The following PDZD2 variants were observed in gnomAD, a reference collection of about 807,000 sequenced individuals.
PDZD2 encodes the protein PDZ domain containing 2, also known as PDZ domain-containing protein 2.
PDZD2 carries 90 observed loss-of-function variants against 220.7 expected under a neutral mutation model. That is an observed-to-expected ratio of 0.41 (90% CI 0.34 to 0.49). PDZD2 has a LOEUF of 0.49. Ranked by LOEUF, PDZD2 falls within the 20% of genes least tolerant of loss-of-function variation. The pLI is 0.28. For synonymous variants in PDZD2, 1,375 were observed against 1,450.5 expected, an observed-to-expected ratio of 0.95 and a Z score of 1.18; for missense variants, 3,174 against 3,608.5, an observed-to-expected ratio of 0.88 and a Z score of 3.08.
intron 2 of PDZD2, among the ~76,000 whole-genome samples, chr5:31,975,363 T>C (rs965315761): frequency 6.6e-6 from 1 of 152,148 alleles, no homozygotes; most frequent in African/African-American, 2.4e-5. Flanking sequence ...TTACTCACTC[T>C]CACGAGAACA....
At chr5:31,737,274 G>A (rs532811880) in intron 1 of PDZD2, among the ~76,000 whole-genome samples, 2 of 140,388 alleles carry the variant, frequency 1.4e-5, no homozygotes, top group South Asian at 2.4e-4. Flanking sequence ...TCAGGTTCAC[G>A]CCATTCTCCT....
chr5:31,920,729 A>G (rs1488857451), intron 2 of PDZD2, among the ~76,000 whole-genome samples: 1 of 152,124 alleles, frequency 6.6e-6, no homozygotes, highest in Non-Finnish European at 1.5e-5. Context: ...CATCATTATC[A>G]TACAGAGAAG....
rs746683258 is a variant in PDZD2, at chr5:32,014,939, C to CTTTT, written c.1407+4474_1407+4477dup. On this transcript the variant is annotated intron_variant, in intron 6 of 24. Coordinates refer to ENST00000438447, the MANE Select transcript of PDZD2 (RefSeq NM_178140.4). ...TGGCCAGGATAGTCTCAATCTCTCT[C>CTTTT]TTTTTTTTTTTTTTTTTTTTGAGAC... 8.2e-3 allele frequency among the ~76,000 whole-genome samples: 770 copies of CTTTT among 93,990 alleles called. 74 individuals are homozygous for CTTTT. Among genetic ancestry groups the CTTTT allele is most frequent in the Middle Eastern group, 0.023 (3 of 132 alleles). The allele number at this position is 93,990 out of a possible 152,430, so 61.7% of individuals were successfully genotyped here.
chr5:31,843,128 G>A (rs1388077290), intron 2 of PDZD2, among the ~76,000 whole-genome samples: 3 of 151,958 alleles, frequency 2.0e-5, no homozygotes, highest in Non-Finnish European at 2.9e-5. Flanking sequence ...TGATCCACCC[G>A]CCTTGGCCTC....
At chr5:32,020,216 G>A (rs7709528) in intron 6 of PDZD2, among the ~76,000 whole-genome samples, 25,752 of 152,002 alleles carry the variant, frequency 0.17, 2,255 homozygotes, top group Admixed American at 0.19. Flanking sequence ...TGTTGACCAA[G>A]CTGGTCTCAA....
chr5:31,785,415 T>A (rs1409394572), intron 1 of PDZD2, among the ~76,000 whole-genome samples: 1 of 148,022 alleles, frequency 6.8e-6, no homozygotes, highest in Non-Finnish European at 1.5e-5. Flanking sequence ...CATATATATG[T>A]CATATATATT....
chr5:31,688,175 T>C (rs1357532170), intron 1 of PDZD2, among the ~76,000 whole-genome samples: 1 of 151,968 alleles, frequency 6.6e-6, no homozygotes, highest in Non-Finnish European at 1.5e-5. Flanking sequence ...GTAGGATAAA[T>C]AAAGATGATA....
intron 2 of PDZD2, among the ~76,000 whole-genome samples, chr5:31,920,672 C>A (rs766913524): frequency 6.6e-6 from 1 of 151,886 alleles, no homozygotes; most frequent in African/African-American, 2.4e-5. Flanking sequence ...ACGAACCAGG[C>A]GTGGTGGTGT....
chr5:31,908,767 G>T, intron 2 of PDZD2: 2 of 921,048 alleles, frequency 2.2e-6, no homozygotes, highest in Non-Finnish European at 3.4e-6. Context: ...AGTTCTGGCC[G>T]GGCGTGGTGG....
chr5:31,985,753 G>GT (rs912494491), intron 3 of PDZD2, among the ~76,000 whole-genome samples: 14 of 151,882 alleles, frequency 9.2e-5, no homozygotes, highest in Non-Finnish European at 1.9e-4. Context: ...TTAATTAAAC[G>GT]TAATAATACT....
chr5:31,983,432 A>T lies in PDZD2; in HGVS notation c.754A>T (p.Asn252Tyr), dbSNP rs770797808. The T allele has an allele frequency of 8.7e-6, 14 of 1,614,152 alleles. No homozygotes were observed. The highest frequency in any genetic ancestry group is 1.2e-5 in the Non-Finnish European group (14 of 1,180,016). Residue 252 changes from asparagine to tyrosine, a missense_variant, in exon 3 of 25, where the codon AAC (asparagine) becomes TAC (tyrosine). Coordinates refer to ENST00000438447, the MANE Select transcript of PDZD2 (RefSeq NM_178140.4). ...VSSDPSTELENGPDPELGNGH... is the reference protein window; with the variant it reads ...VSSDPSTELEYGPDPELGNGH... ...CAGTGACCCCAGCACTGAGCTGGAG[A>T]ACGGCCCTGACCCTGAACTTGGAAA...
chr5:31,891,723 A>G (rs1463632668), intron 2 of PDZD2, among the ~76,000 whole-genome samples: 1 of 152,114 alleles, frequency 6.6e-6, no homozygotes, highest in African/African-American at 2.4e-5. Context: ...CAACGCTGTC[A>G]ATCCGAGCAG....
At chr5:31,776,523 G>A (rs2150203673) in intron 1 of PDZD2, among the ~76,000 whole-genome samples, 1 of 150,008 alleles carries the variant, frequency 6.7e-6, no homozygotes, top group South Asian at 2.1e-4. Context: ...TACTTATGTT[G>A]GCCAGGCTGG....
rs1744994240 is a variant in PDZD2 at position 32,108,278 on chromosome 5, C to CCTGA, written c.*146_*149dup. On this transcript the variant is annotated 3_prime_UTR_variant, in exon 25 of 25. Transcript: ENST00000438447. Reference sequence around the variant, plus strand: ...TCCAAGCTTGTGCTTACACATGAAGCCTGACTTAACTGTATGTGCAACAGC... The same window carrying CCTGA: ...TCCAAGCTTGTGCTTACACATGAAGCCTGACTGACTTAACTGTATGTGCAACAGC... 1.8e-6 allele frequency: 1 copy of CCTGA among 546,002 alleles called. No homozygotes were observed. The highest frequency in any genetic ancestry group is 3.4e-5 in the Admixed American group (1 of 29,164). The allele number at this position is 546,002 out of a possible 1,614,324, so 33.8% of individuals were successfully genotyped here. A position where few individuals can be genotyped will look rare whatever the true frequency, so the allele number is the denominator to read the frequency against.
At chr5:31,872,032 G>C in intron 2 of PDZD2, among the ~76,000 whole-genome samples, 1 of 121,816 alleles carries the variant, frequency 8.2e-6, no homozygotes, top group Non-Finnish European at 1.8e-5. Context: ...TATTTTCTTT[G>C]AAATCAAGGG....
intron 1 of PDZD2, among the ~76,000 whole-genome samples, chr5:31,737,211 C>T (rs1298887868): frequency 8.8e-6 from 1 of 114,226 alleles, no homozygotes; most frequent in Non-Finnish European, 1.6e-5. Context: ...GTCTCGCTGT[C>T]TCCCAGGCTG....
intron 11 of PDZD2, 62 bp from the exon 12 acceptor site, chr5:32,057,816 T>TTA: frequency 7.1e-7 from 1 of 1,405,830 alleles, no homozygotes; most frequent in Non-Finnish European, 1.0e-6. Flanking sequence ...TTTTTTTTTT[T>TTA]AACCCTTTGA....
intron 1 of PDZD2, among the ~76,000 whole-genome samples, chr5:31,731,801 T>G (rs1749551270): frequency 6.6e-6 from 1 of 152,268 alleles, no homozygotes; most frequent in Admixed American, 6.5e-5. Flanking sequence ...CACTGTTTTG[T>G]TACTATGAAC....
chr5:31,834,274 C>T (rs963221233), intron 2 of PDZD2, among the ~76,000 whole-genome samples: 8 of 152,282 alleles, frequency 5.3e-5, no homozygotes, highest in African/African-American at 1.4e-4. Context: ...GCTAGCTGAC[C>T]GCCAATTCCA....
Sources: gnomAD v4.1 joint callset for allele counts (sites outside exome capture counted in the v4.1 genomes callset) on GRCh38, gnomAD v4.1.1 for gene constraint, MANE v1.5 for transcripts, NCBI Gene and HGNC (gene_info 2026-07-23, HGNC 2026-07-21) for gene names.